Variants in BCAS1 observed in about 807,000 individuals in gnomAD.
The protein encoded by BCAS1 is breast carcinoma-amplified sequence 1.
In BCAS1, 46 loss-of-function variants were observed where a neutral mutation model predicts 65.4. That is an observed-to-expected ratio of 0.70 (90% CI 0.55 to 0.90). The LOEUF (loss-of-function observed/expected upper bound fraction) is 0.90, where lower values mean the gene tolerates loss of function less well. Ranked by LOEUF, BCAS1 falls within the 40% of genes least tolerant of loss-of-function variation. The pLI is 0.00. For missense variants in BCAS1, 793 were observed against 771.2 expected, an observed-to-expected ratio of 1.03 and a Z score of -0.33; for synonymous variants, 298 against 293.5, an observed-to-expected ratio of 1.02 and a Z score of -0.16.
intron 10 of BCAS1, among the ~76,000 whole-genome samples, chr20:53,958,821 T>C (rs1170566699): frequency 6.6e-6 from 1 of 152,178 alleles, no homozygotes; most frequent in Non-Finnish European, 1.5e-5. Flanking sequence ...AGCATCACCA[T>C]GGAACTAGCA....
At chr20:53,981,307 T>A (rs570745261) in intron 8 of BCAS1, among the ~76,000 whole-genome samples, 24 of 152,296 alleles carry the variant, frequency 1.6e-4, no homozygotes, top group African/African-American at 5.3e-4. Context: ...GCCCAGACTT[T>A]CTTAACCAGA....
At chr20:53,958,619 C>T (rs889310275) in intron 10 of BCAS1, among the ~76,000 whole-genome samples, 12 of 152,282 alleles carry the variant, frequency 7.9e-5, no homozygotes, top group Admixed American at 2.6e-4. Flanking sequence ...GTCTGAGCTA[C>T]GGTGTTCACA....
intron 4 of BCAS1, among the ~76,000 whole-genome samples, chr20:54,025,164 C>G (rs158547): frequency 0.063 from 9,557 of 152,222 alleles, 572 homozygotes; most frequent in East Asian, 0.32. Context: ...CGCCCCACAC[C>G]CCCACTCAAC....
Position 53,953,629 on chromosome 20 carries a change from C to T in BCAS1, c.1618G>A (p.Gly540Ser), listed in dbSNP as rs1191613696. Residue 540 changes from glycine to serine, a missense_variant, in exon 12 of 13, where the codon GGT becomes AGT. Coordinates refer to ENST00000688948, the MANE Select transcript of BCAS1 (RefSeq NM_001366298.2). Reference protein sequence around the residue: ...EPEPTGAPQKGKEGSSKDKKS... With the variant: ...EPEPTGAPQKSKEGSSKDKKS... ...TTGTCCTTCGAGGAGCCCTCTTTAC[C>T]CTTCTGTGGTGCTCCTGTTGGTTCA... 1.2e-6 allele frequency: 2 copies of T among 1,613,742 alleles called. No individual in the cohort carries two copies. The highest frequency in any genetic ancestry group is 1.7e-6 in the Non-Finnish European group (2 of 1,180,018).
chr20:53,951,598 G>A (rs1402855745), intron 12 of BCAS1, among the ~76,000 whole-genome samples: 1 of 152,234 alleles, frequency 6.6e-6, no homozygotes, highest in Admixed American at 6.5e-5. Flanking sequence ...TCAATCAGGA[G>A]CTTTGTGGCA....
chr20:54,012,918 A>T (rs908701008), intron 4 of BCAS1, among the ~76,000 whole-genome samples: 2 of 152,182 alleles, frequency 1.3e-5, no homozygotes, highest in Admixed American at 1.3e-4. Flanking sequence ...TGCTGCACTG[A>T]TTCTATCTCC....
chr20:54,058,996 T>C lies in BCAS1; in HGVS notation c.-5-273A>G, dbSNP rs564668910. On this transcript the variant is annotated intron_variant, in intron 1 of 12. Transcript: ENST00000688948. ...TTACAATCGTGGCAGAAGACACCTC[T>C]CCACAGGACACCAGAAGAATGAGTG... 5.3e-5 allele frequency among the ~76,000 whole-genome samples: 8 copies of C among 152,222 alleles called. No individual in the cohort carries two copies. The East Asian group carries it at 1.2e-3, about 22-fold the overall frequency.
intron 10 of BCAS1, among the ~76,000 whole-genome samples, chr20:53,962,737 C>T (rs371572755): frequency 6.6e-6 from 1 of 152,094 alleles, no homozygotes; most frequent in Non-Finnish European, 1.5e-5. Flanking sequence ...TGCAGGAGCC[C>T]GCAGGATTTC....
At chr20:54,046,035 CA>C (rs1453425516) in intron 3 of BCAS1, among the ~76,000 whole-genome samples, 2 of 151,780 alleles carry the variant, frequency 1.3e-5, no homozygotes, top group East Asian at 3.9e-4. Flanking sequence ...CAGGTTTCAC[CA>C]AAACAACAAT....
chr20:54,002,547 A>G (rs906524391), intron 4 of BCAS1, among the ~76,000 whole-genome samples: 1 of 152,162 alleles, frequency 6.6e-6, no homozygotes, highest in Non-Finnish European at 1.5e-5. Context: ...CTTGAGCTAC[A>G]TTATCATGTG....
chr20:54,069,448 G>GT (rs892630827), intron 1 of BCAS1, among the ~76,000 whole-genome samples: 1 of 152,148 alleles, frequency 6.6e-6, no homozygotes, highest in African/African-American at 2.4e-5. Context: ...CCATGACTGA[G>GT]TTTTTTGGCA....
chr20:53,998,030 C>T (rs543325354), intron 4 of BCAS1, among the ~76,000 whole-genome samples: 1 of 152,310 alleles, frequency 6.6e-6, no homozygotes, highest in East Asian at 1.9e-4. Context: ...TCTGTTTCCT[C>T]AAAAGCGATT....
chr20:53,971,249 C>T (rs1226248243), intron 9 of BCAS1, among the ~76,000 whole-genome samples: 3 of 152,126 alleles, frequency 2.0e-5, no homozygotes, highest in Admixed American at 6.5e-5. Flanking sequence ...CTTTAGGATC[C>T]GTTGCATGAT....
intron 4 of BCAS1, among the ~76,000 whole-genome samples, chr20:54,013,339 T>A (rs56295506): frequency 0.036 from 5,509 of 152,324 alleles, 132 homozygotes; most frequent in Middle Eastern, 0.095. Context: ...AAACAGCTTT[T>A]CATTTTGGAT....
chr20:54,064,712 T>C (rs1265185716), intron 1 of BCAS1, among the ~76,000 whole-genome samples: 1 of 152,134 alleles, frequency 6.6e-6, no homozygotes, highest in Non-Finnish European at 1.5e-5. Context: ...ATCCGTAAAA[T>C]CCCACGATCG....
At chr20:53,968,591 A>G (rs1453880812) in intron 9 of BCAS1, among the ~76,000 whole-genome samples, 3 of 152,226 alleles carry the variant, frequency 2.0e-5, no homozygotes, top group Non-Finnish European at 4.4e-5. Context: ...ACATTTGGCA[A>G]CTAAATCACA....
chr20:53,952,835 C>T (rs577357004), intron 12 of BCAS1, among the ~76,000 whole-genome samples: 1 of 152,370 alleles, frequency 6.6e-6, no homozygotes, highest in South Asian at 2.1e-4. Flanking sequence ...GCTCATGCCA[C>T]TGGGCAGTGC....
chr20:53,950,286 C>A (rs2089474371), intron 12 of BCAS1, among the ~76,000 whole-genome samples: 1 of 152,160 alleles, frequency 6.6e-6, no homozygotes, highest in Non-Finnish European at 1.5e-5. Context: ...AAGCTCATTC[C>A]CACCCCCGTG....
At chr20:54,032,240 A>G (rs2091816575) in intron 3 of BCAS1, among the ~76,000 whole-genome samples, 1 of 151,372 alleles carries the variant, frequency 6.6e-6, no homozygotes, top group Non-Finnish European at 1.5e-5. Context: ...TAAGCTTCAT[A>G]AGCAAAAGAG....
Sources: gnomAD v4.1 joint callset for allele counts (sites outside exome capture counted in the v4.1 genomes callset) on GRCh38, gnomAD v4.1.1 for gene constraint, MANE v1.5 for transcripts, NCBI Gene and HGNC (gene_info 2026-07-23, HGNC 2026-07-21) for gene names.